AIG1: variants seen among roughly 807,000 people sequenced by gnomAD.
AIG1 encodes the protein androgen induced 1.
Under a neutral mutation model 31.4 loss-of-function variants are expected in AIG1, and 23 were observed. The ratio of observed to expected loss-of-function variants is 0.73; its 90% CI spans 0.53 to 1.04. The LOEUF is 1.04. Among genes scored for constraint, AIG1 ranks in the 50% least tolerant of loss-of-function variants. The pLI is 0.00. For synonymous variants in AIG1, 100 were observed against 110.5 expected, an observed-to-expected ratio of 0.90 and a Z score of 0.60; for missense variants, 274 against 295.0, an observed-to-expected ratio of 0.93 and a Z score of 0.52.
chr6:143,181,439 A>G (rs1180031012), intron 3 of AIG1, among the ~76,000 whole-genome samples: 1 of 152,196 alleles, frequency 6.6e-6, no homozygotes. Context: ...AATTTTATGG[A>G]TGATGATAGC....
intron 1 of AIG1, among the ~76,000 whole-genome samples, chr6:143,125,954 A>G (rs1273730198): frequency 3.9e-5 from 6 of 152,206 alleles, no homozygotes; most frequent in Non-Finnish European, 7.3e-5. Flanking sequence ...GTAAATATCT[A>G]TGCACAAAAG....
chr6:143,313,552 C>T (rs577725527), intron 4 of AIG1, among the ~76,000 whole-genome samples: 5 of 151,358 alleles, frequency 3.3e-5, no homozygotes, highest in Admixed American at 1.3e-4. Flanking sequence ...TTATCAGAGG[C>T]GTGAAAAGTT....
chr6:143,190,607 G>A lies in AIG1; in HGVS notation c.399+25424G>A, dbSNP rs73781108. The A allele has an allele frequency of 3.5e-4, 344 of 985,384 alleles. No homozygotes were observed. In the African/African-American group the frequency reaches 5.8e-3, roughly 17 times the overall value. The allele number at this position is 985,384 out of a possible 1,614,324, so 61.0% of individuals were successfully genotyped here. A position where few individuals can be genotyped will look rare whatever the true frequency, so the allele number is the denominator to read the frequency against. ...ATTTTCTTACAAAAAACTTCATTCA[G>A]TGTCCTGGCACAGATCCTCCAGTTG... On this transcript the variant is annotated intron_variant, in intron 3 of 5. Transcript: ENST00000357847.
chr6:143,284,311 A>C lies in AIG1; in HGVS notation c.515+86A>C, dbSNP rs1797547082. On this transcript the variant is annotated intron_variant, in intron 4 of 5. Transcript: ENST00000357847. The surrounding 1 kb of genome is among the most constrained non-coding windows in gnomAD (Gnocchi z 4.4). The stretch of plus-strand genomic sequence containing the variant: ...CACATATTTCATTATGGATATAATC[A>C]CTAACAGATTCACGCTGTGTGCCGC... The C allele has an allele frequency of 8.4e-6, 8 of 953,650 alleles. No homozygotes were observed. Among genetic ancestry groups the C allele is most frequent in the Non-Finnish European group, 1.3e-5 (8 of 612,902 alleles). 59.1% of individuals were successfully genotyped at this position (953,650 alleles called of 1,614,324 possible).
At chr6:143,319,451 A>G (rs1291324800) in intron 4 of AIG1, among the ~76,000 whole-genome samples, 6 of 152,324 alleles carry the variant, frequency 3.9e-5, no homozygotes, top group African/African-American at 1.4e-4. Context: ...TAAGAATGAT[A>G]CAGTGGACTA....
intron 3 of AIG1, among the ~76,000 whole-genome samples, chr6:143,257,805 G>A (rs1330674135): frequency 1.3e-5 from 2 of 152,146 alleles, no homozygotes; most frequent in Non-Finnish European, 2.9e-5. Context: ...AAGGGCCTTG[G>A]AGACAGAAAT....
At chr6:143,191,975 A>T (rs1237224511) in intron 3 of AIG1, among the ~76,000 whole-genome samples, 1 of 152,216 alleles carries the variant, frequency 6.6e-6, no homozygotes, top group African/African-American at 2.4e-5. Flanking sequence ...AACTCTCCTC[A>T]TTCTGTTTTG....
At chr6:143,283,406 C>T (rs1410616977) in intron 3 of AIG1, among the ~76,000 whole-genome samples, 1 of 152,210 alleles carries the variant, frequency 6.6e-6, no homozygotes, top group Non-Finnish European at 1.5e-5. Context: ...ACCTGCTGCT[C>T]GTGCACACAT....
intron 3 of AIG1, among the ~76,000 whole-genome samples, chr6:143,241,540 CT>C (rs1026497269): frequency 1.3e-5 from 2 of 152,222 alleles, no homozygotes; most frequent in Admixed American, 6.5e-5. Flanking sequence ...AAAAGCTTCA[CT>C]TTGTACTTCA....
At chr6:143,321,951 C>T (rs1776250456) in intron 4 of AIG1, among the ~76,000 whole-genome samples, 1 of 152,136 alleles carries the variant, frequency 6.6e-6, no homozygotes, top group African/African-American at 2.4e-5. Flanking sequence ...ACAGGTCTGA[C>T]ACCTTCTAGG....
chr6:143,066,267 T>C (rs967568898), intron 1 of AIG1, among the ~76,000 whole-genome samples: 1 of 151,022 alleles, frequency 6.6e-6, no homozygotes, highest in Non-Finnish European at 1.5e-5. Context: ...AATATATGAA[T>C]TCTGCCTATT....
In AIG1 at chr6:143,165,066, T is replaced by G; in HGVS notation, c.298-16T>G. The G allele has an allele frequency of 6.4e-7, 1 of 1,563,014 alleles. No homozygotes were observed. On this transcript the variant is annotated splice_polypyrimidine_tract_variant and intron_variant, in intron 2 of 5. Transcript: ENST00000357847. ...AGTCGATGAACTTGAAATAAAAGAT[T>G]TCTTTTTCCTTCCAGTTTGTTGTAG...
rs1031963976 is a variant in AIG1 at position 143,327,341 on chromosome 6, C to T, written c.516-5941C>T. 9 of 243,672 alleles carry T rather than the reference C, an allele frequency of 3.7e-5. No homozygotes were observed. The South Asian group carries it at 4.0e-4, about 11-fold the overall frequency. The allele number at this position is 243,672 out of a possible 1,614,324, so 15.1% of individuals were successfully genotyped here. ...TCTGCCATCAACAAGGTGGTGACCT[C>T]GTTGATGATACACCATCAACATTCA... is the stretch of plus-strand genomic sequence containing the variant. On this transcript the variant is annotated intron_variant, in intron 4 of 5. Transcript: ENST00000357847. This position sits in a 1 kb window ranked among gnomAD's most constrained non-coding sequence, Gnocchi z 5.3.
intron 3 of AIG1, among the ~76,000 whole-genome samples, chr6:143,260,446 C>A (rs1795686211): frequency 6.6e-6 from 1 of 152,156 alleles, no homozygotes; most frequent in Admixed American, 6.5e-5. Context: ...CCTTTGGAAA[C>A]CAGTAAATTT....
intron 3 of AIG1, among the ~76,000 whole-genome samples, chr6:143,248,678 G>A (rs970985157): frequency 5.3e-5 from 8 of 152,184 alleles, no homozygotes; most frequent in African/African-American, 1.7e-4. Flanking sequence ...TATGAGTTCC[G>A]TTACCTGAAT....
chr6:143,135,878 G>A (rs1215874397), intron 1 of AIG1, among the ~76,000 whole-genome samples: 2 of 152,116 alleles, frequency 1.3e-5, no homozygotes, highest in Non-Finnish European at 2.9e-5. Flanking sequence ...TTTTCAGTAG[G>A]AAAAAAGCCA....
chr6:143,061,895 T>C lies in AIG1; in HGVS notation c.141+829T>C, dbSNP rs73777866. On this transcript the variant is annotated intron_variant, in intron 1 of 5. Coordinates refer to ENST00000357847, the MANE Select transcript of AIG1 (RefSeq NM_016108.4). ...GGCATAAGGCCCAATAATGAACTCA[T>C]GGATGGACCTAGGAATTTCAGGGTA... Among the ~76,000 whole-genome samples the C allele has an allele frequency of 3.3e-3, 508 of 152,350 alleles. 1 individual carries two copies. The highest frequency in any genetic ancestry group is 0.011 in the African/African-American group (463 of 41,580).
chr6:143,119,450 T>A (rs1174729229), intron 1 of AIG1, among the ~76,000 whole-genome samples: 3 of 152,198 alleles, frequency 2.0e-5, no homozygotes, highest in African/African-American at 7.2e-5. Flanking sequence ...AGTCCAAAAG[T>A]GCACAGGCAG....
At chr6:143,080,278 C>CA (rs1778111950) in intron 1 of AIG1, among the ~76,000 whole-genome samples, 1 of 152,092 alleles carries the variant, frequency 6.6e-6, no homozygotes, top group African/African-American at 2.4e-5. Context: ...AACATTGGAG[C>CA]ATGGGCTAGC....
Sources: allele counts gnomAD v4.1 joint callset (sites outside exome capture counted in the v4.1 genomes callset), GRCh38; gene constraint gnomAD v4.1.1; non-coding constraint Gnocchi (gnomAD v3.1); transcripts MANE v1.5; gene names NCBI Gene and HGNC (gene_info 2026-07-23, HGNC 2026-07-21).